PROSER3: variants seen among roughly 807,000 people sequenced by gnomAD.
The protein encoded by PROSER3 is proline and serine-rich protein 3.
Under a neutral mutation model 50.2 loss-of-function variants are expected in PROSER3, and 33 were observed. The ratio of observed to expected loss-of-function variants is 0.66; its 90% CI spans 0.50 to 0.88. The LOEUF is 0.88. Among genes scored for constraint, PROSER3 ranks in the 40% least tolerant of loss-of-function variants. The probability of loss-of-function intolerance (pLI) is 0.00; values close to 1 mark genes in which losing one functional copy is unlikely to be tolerated. For missense variants in PROSER3, 623 were observed against 612.7 expected (o/e 1.02, Z -0.18); for synonymous variants, 266 against 259.3 (o/e 1.03, Z -0.25).
chr19:35,761,915 C>T (rs1970962397), intron 3 of PROSER3, 104 bp from the exon 4 acceptor site: 11 of 1,310,584 alleles, frequency 8.4e-6, no homozygotes, highest in African/African-American at 1.5e-5. Context: ...GGGATAGCTA[C>T]CAGGCTCTGC....
At chr19:35,767,976 AGGCCCT>A in exon 9 of PROSER3, 1 of 1,605,948 alleles carries the variant, frequency 6.2e-7, no homozygotes, top group Non-Finnish European at 8.5e-7. Context: ...GGGTCTCCGG[AGGCCCT>A]GGCCCCGCCC....
intron 3 of PROSER3, among the ~76,000 whole-genome samples, chr19:35,760,209 C>G (rs1459161869): frequency 6.6e-6 from 1 of 151,932 alleles, no homozygotes; most frequent in Non-Finnish European, 1.5e-5. Context: ...TTCTTTATCT[C>G]TTTTTATTTA....
exon 6 of PROSER3, chr19:35,764,856 C>T: frequency 3.7e-6 from 6 of 1,613,216 alleles, no homozygotes; most frequent in Non-Finnish European, 5.1e-6. Flanking sequence ...CCCTGCAGAA[C>T]CTCCACACAT....
chr19:35,760,106 G>C lies in PROSER3; in HGVS notation c.311+115G>C, dbSNP rs540892569. 53 of 1,148,902 alleles carry C rather than the reference G, an allele frequency of 4.6e-5. 1 individual carries two copies. The East Asian group carries it at 1.2e-3, about 26-fold the overall frequency. 71.2% of individuals were successfully genotyped at this position (1,148,902 alleles called of 1,614,324 possible). Reference sequence around the variant, plus strand: ...TTCTGCAGCACTCTTTTAGGACCAGGCAGTTTATGTGTGTTAAGAACTCTG... The same window carrying C: ...TTCTGCAGCACTCTTTTAGGACCAGCCAGTTTATGTGTGTTAAGAACTCTG... On this transcript the variant is annotated intron_variant, in intron 3 of 10. Transcript: ENST00000396908.
At chr19:35,768,181 G>T in exon 10 of PROSER3, 1 of 1,613,592 alleles carries the variant, frequency 6.2e-7, no homozygotes, top group Non-Finnish European at 8.5e-7. Flanking sequence ...GTTCCAGGAC[G>T]ATCCCGTGCT....
exon 1 of PROSER3, chr19:35,758,209 C>T (rs763561639): frequency 6.4e-7 from 1 of 1,561,108 alleles, no homozygotes; most frequent in Non-Finnish European, 8.7e-7. Context: ...GCGGAGGGAG[C>T]CGCGGGATGG....
In PROSER3 at chr19:35,758,238, C is replaced by A. The variant is rs374829741; in HGVS notation, c.11+12C>A. On this transcript the variant is annotated intron_variant, in intron 1 of 10. Coordinates refer to ENST00000396908, the Ensembl canonical transcript of PROSER3. Reference sequence around the variant, plus strand: ...GGGATGGACCGCAGGTGAGGCCGATCGCTCTTCCAGGGACTACAGGAGGCT... The same window carrying A: ...GGGATGGACCGCAGGTGAGGCCGATAGCTCTTCCAGGGACTACAGGAGGCT... 6.4e-6 allele frequency: 10 copies of A among 1,562,104 alleles called. No homozygotes were observed. Among genetic ancestry groups the A allele is most frequent in the Non-Finnish European group, 7.8e-6 (9 of 1,153,192 alleles).
In PROSER3 at chr19:35,768,095, G is replaced by C. The variant is rs770004599; in HGVS notation, c.1219+30G>C. The C allele has an allele frequency of 8.2e-6, 13 of 1,592,630 alleles. No homozygotes were observed. In the South Asian group the frequency reaches 1.2e-4, roughly 15 times the overall value. ...TGCCCGCGCCCTCCTGGATGTTGGA[G>C]GCAGGCCAGCCCCCTAAGAGGCCGG... On this transcript the variant is annotated intron_variant, in intron 9 of 10. Transcript: ENST00000396908.
chr19:35,759,672 A>G lies in PROSER3; in HGVS notation c.109-117A>G, dbSNP rs1970888779. 2.7e-6 allele frequency: 3 copies of G among 1,100,382 alleles called. No individual in the cohort carries two copies. The Admixed American group carries it at 6.9e-5, about 25-fold the overall frequency. 68.2% of individuals were successfully genotyped at this position (1,100,382 alleles called of 1,614,324 possible). A position where few individuals can be genotyped will look rare whatever the true frequency, so the allele number is the denominator to read the frequency against. On this transcript the variant is annotated intron_variant, in intron 2 of 10. Transcript: ENST00000396908. ...GCCCCCATCACACTAGGTTGTTATC[A>G]TTACAGGATGTGTTTCCTCCCCTCT...
exon 9 of PROSER3, chr19:35,767,845 G>A: frequency 6.2e-7 from 1 of 1,613,052 alleles, no homozygotes. Context: ...CCGCAGCGGG[G>A]TCAGTGATAC....
At chr19:35,764,411 CT>C (rs1321371256) in intron 5 of PROSER3, among the ~76,000 whole-genome samples, 1 of 152,040 alleles carries the variant, frequency 6.6e-6, no homozygotes, top group Non-Finnish European at 1.5e-5. Context: ...AATCCCAGCA[CT>C]TTAGGAGACT....
chr19:35,763,449 G>T (rs895963270), intron 5 of PROSER3, among the ~76,000 whole-genome samples: 1 of 149,152 alleles, frequency 6.7e-6, no homozygotes, highest in East Asian at 2.0e-4. Flanking sequence ...CCGGCAATCC[G>T]CCCACCTCAG....
intron 5 of PROSER3, 85 bp downstream of exon 5, chr19:35,762,441 G>A (rs1970985991): frequency 7.8e-7 from 1 of 1,282,234 alleles, no homozygotes; most frequent in Non-Finnish European, 1.1e-6. Flanking sequence ...AGGAGCAGTG[G>A]CTCACACCTG....
chr19:35,764,507 T>C (rs1367312502), intron 5 of PROSER3, among the ~76,000 whole-genome samples: 2 of 152,016 alleles, frequency 1.3e-5, no homozygotes, highest in Non-Finnish European at 2.9e-5. Flanking sequence ...AAATACAAAA[T>C]TAGCCGAGCG....
intron 3 of PROSER3, 92 bp from the exon 4 acceptor site, chr19:35,761,927 A>G: frequency 7.3e-7 from 1 of 1,370,220 alleles, no homozygotes. Context: ...AGGCTCTGCC[A>G]TGGTGCTTGG....
chr19:35,767,792 T>G, intron 8 of PROSER3: 1 of 1,606,298 alleles, frequency 6.2e-7, no homozygotes, highest in Non-Finnish European at 8.5e-7. Flanking sequence ...TGAATCCCAG[T>G]GTCGGGCCAA....
rs1568415832 is a variant in PROSER3, at chr19:35,768,462, TC to T, written c.1364del (p.Pro455LeufsTer14). 1.3e-6 allele frequency: 2 copies of T among 1,597,982 alleles called. No individual in the cohort carries two copies. Among genetic ancestry groups the T allele is most frequent in the Admixed American group, 3.3e-5 (2 of 59,948 alleles). On this transcript the variant is annotated frameshift_variant, in exon 11 of 11. Coordinates refer to ENST00000396908, the Ensembl canonical transcript of PROSER3. LOFTEE classifies it low-confidence loss of function (END_TRUNC). ...CCAGGCTGAAGACCTGGGATCTTGG[TC>T]CCCTCCAGCCGGGTCGCCCCCTAGG...
exon 11 of PROSER3, chr19:35,768,660 G>A (rs1177290984): frequency 9.7e-6 from 13 of 1,338,306 alleles, no homozygotes; most frequent in Non-Finnish European, 1.3e-5. Flanking sequence ...CCAATTTAAG[G>A]AAATGCCCCC....
chr19:35,768,702 C>T, exon 11 of PROSER3: 7 of 813,114 alleles, frequency 8.6e-6, no homozygotes, highest in Non-Finnish European at 1.2e-5. Flanking sequence ...TCTGCCCTGC[C>T]CCCCACCCCT....
Sources: gnomAD v4.1 joint callset for allele counts (sites outside exome capture counted in the v4.1 genomes callset) on GRCh38, gnomAD v4.1.1 for gene constraint, MANE v1.5 for transcripts, NCBI Gene and HGNC (gene_info 2026-07-23, HGNC 2026-07-21) for gene names.